The following RNLS variants were observed in gnomAD, a reference collection of about 807,000 sequenced individuals.
The protein encoded by RNLS is renalase.
In RNLS, 39 loss-of-function variants were observed where a neutral mutation model predicts 39.8. That is an observed-to-expected ratio of 0.98 (90% CI 0.76 to 1.28). RNLS has a LOEUF of 1.28. RNLS is among the 50% of genes most tolerant of loss of function. RNLS has a pLI of 0.00. For missense variants in RNLS, 410 were observed against 413.3 expected, an observed-to-expected ratio of 0.99 and a Z score of 0.07; for synonymous variants, 147 against 150.7, an observed-to-expected ratio of 0.98 and a Z score of 0.18.
intron 4 of RNLS, among the ~76,000 whole-genome samples, chr10:88,366,384 C>T (rs12256136): frequency 6.6e-6 from 1 of 151,676 alleles, no homozygotes; most frequent in Non-Finnish European, 1.5e-5. Context: ...TTGCAGAAGT[C>T]TTAGATTAGA....
intron 4 of RNLS, among the ~76,000 whole-genome samples, chr10:88,545,644 G>A (rs1848267321): frequency 6.6e-6 from 1 of 151,980 alleles, no homozygotes; most frequent in South Asian, 2.1e-4. Flanking sequence ...AACTGGGTGG[G>A]GACACAGCCA....
intron 5 of RNLS, among the ~76,000 whole-genome samples, chr10:88,358,820 C>T (rs909291503): frequency 6.6e-6 from 1 of 152,194 alleles, no homozygotes; most frequent in East Asian, 1.9e-4. Flanking sequence ...CTTCTATATC[C>T]TCTAGCTCTC....
chr10:88,191,096 G>A, the RNLS span, among the ~76,000 whole-genome samples: 184 of 152,334 alleles, frequency 1.2e-3, 1 homozygote, highest in Middle Eastern at 3.4e-3. Context: ...CATCGAGGGG[G>A]CAGGATTCAC....
At chr10:88,200,546 A>G in the RNLS span, among the ~76,000 whole-genome samples, 1 of 152,310 alleles carries the variant, frequency 6.6e-6, no homozygotes, top group East Asian at 1.9e-4. Context: ...TCTGTCTCCA[A>G]TTCATTCATT....
chr10:88,206,732 C>A, the RNLS span, among the ~76,000 whole-genome samples: 20 of 152,096 alleles, frequency 1.3e-4, no homozygotes, highest in Non-Finnish European at 2.5e-4. Context: ...TCCAAGGAAG[C>A]CCAGACTCAG....
intron 4 of RNLS, among the ~76,000 whole-genome samples, chr10:88,544,868 T>C (rs971103499): frequency 1.3e-5 from 2 of 152,208 alleles, no homozygotes; most frequent in Non-Finnish European, 2.9e-5. Flanking sequence ...AGGTTTGTTT[T>C]GAGTTTGATT....
intron 4 of RNLS, among the ~76,000 whole-genome samples, chr10:88,482,569 T>C (rs1411364179): frequency 3.3e-5 from 5 of 152,210 alleles, no homozygotes; most frequent in African/African-American, 1.2e-4. Flanking sequence ...TAATTTCCTA[T>C]AATTCTTTAA....
At chr10:88,581,057 C>A (rs1850504928) in intron 3 of RNLS, among the ~76,000 whole-genome samples, 2 of 151,854 alleles carry the variant, frequency 1.3e-5, no homozygotes. Context: ...AACAATCTCC[C>A]AACCCCATAC....
intron 4 of RNLS, among the ~76,000 whole-genome samples, chr10:88,426,119 G>A (rs1284103779): frequency 1.3e-5 from 2 of 152,054 alleles, no homozygotes; most frequent in Non-Finnish European, 2.9e-5. Flanking sequence ...AGCGGTATGT[G>A]TATTAGGTGC....
At chr10:88,517,068 T>C (rs1156922281) in intron 4 of RNLS, among the ~76,000 whole-genome samples, 3 of 151,978 alleles carry the variant, frequency 2.0e-5, no homozygotes, top group African/African-American at 7.2e-5. Context: ...ACATGGTTAA[T>C]TTCCCTGGCA....
At position 88,583,103 on chromosome 10, in the gene RNLS, G is replaced by C. The variant is rs767684921; in HGVS notation, c.88C>G (p.Leu30Val). The C allele has an allele frequency of 6.2e-7, 1 of 1,613,944 alleles. No homozygotes were observed. Among genetic ancestry groups the C allele is most frequent in the East Asian group, 2.2e-5 (1 of 44,890 alleles). Residue 30 changes from leucine to valine, a missense_variant, in exon 1 of 7, where the codon CTT (leucine) becomes GTT (valine). Transcript: ENST00000331772. The stretch of plus-strand genomic sequence containing the variant: ...TCCTCAGCCTTGTCCCACACAGCAA[G>C]GTACAAGGGACCGGACGTCTGCCTC... ...LRRQTSGPLY[L>V]AVWDKAEDSG... is the part of the protein sequence containing the mutation.
the RNLS span, among the ~76,000 whole-genome samples, chr10:88,250,253 C>T: frequency 2.0e-5 from 3 of 152,194 alleles, no homozygotes; most frequent in Non-Finnish European, 4.4e-5. Flanking sequence ...GTCTAGAACA[C>T]AGCAGACAAT....
chr10:88,195,241 A>G, the RNLS span, among the ~76,000 whole-genome samples: 2 of 152,352 alleles, frequency 1.3e-5, no homozygotes, highest in African/African-American at 4.8e-5. Context: ...ATAGGATAAA[A>G]TGCATTGTAA....
At chr10:88,191,278 A>G in the RNLS span, among the ~76,000 whole-genome samples, 44 of 151,974 alleles carry the variant, frequency 2.9e-4, no homozygotes, top group Admixed American at 2.6e-4. Context: ...CAAGTAGGAG[A>G]ATTTTGGAGA....
At chr10:88,233,094 C>T in the RNLS span, among the ~76,000 whole-genome samples, 8 of 152,300 alleles carry the variant, frequency 5.3e-5, no homozygotes, top group Admixed American at 2.6e-4. Context: ...GGTCTGCCTG[C>T]GTCTAAACCC....
intron 4 of RNLS, among the ~76,000 whole-genome samples, chr10:88,480,862 ATAT>A (rs2134017858): frequency 6.6e-6 from 1 of 151,382 alleles, no homozygotes; most frequent in East Asian, 1.9e-4. Context: ...GTCTGGTATA[ATAT>A]TATTTTACAA....
intron 6 of RNLS, among the ~76,000 whole-genome samples, chr10:88,285,934 A>T (rs116919196): frequency 6.6e-6 from 1 of 152,166 alleles, no homozygotes; most frequent in Non-Finnish European, 1.5e-5. Flanking sequence ...TCCTTATAAA[A>T]CAGGCCCAAG....
At chr10:88,256,250 A>G in the RNLS span, among the ~76,000 whole-genome samples, 3 of 152,216 alleles carry the variant, frequency 2.0e-5, no homozygotes, top group African/African-American at 7.2e-5. Context: ...TCAATGTGTC[A>G]TAGATGAAAT....
chr10:88,356,263 G>A lies in RNLS; in HGVS notation c.700+6289C>T, dbSNP rs796395637. ...CAACAAGCCCCAGTGAGATGAACCC[G>A]GTACCTCAGTTGGAAATGCAGAAAT... is the stretch of plus-strand genomic sequence containing the variant. On this transcript the variant is annotated intron_variant, in intron 5 of 6. Coordinates refer to ENST00000331772, the MANE Select transcript of RNLS (RefSeq NM_001031709.3). 9.2e-5 allele frequency among the ~76,000 whole-genome samples: 14 copies of A among 152,114 alleles called. No individual in the cohort carries two copies. The East Asian group carries it at 1.5e-3, about 17-fold the overall frequency.
Sources: allele counts gnomAD v4.1 joint callset (sites outside exome capture counted in the v4.1 genomes callset), GRCh38; gene constraint gnomAD v4.1.1; transcripts MANE v1.5; gene names NCBI Gene and HGNC (gene_info 2026-07-23, HGNC 2026-07-21).